Variants in RICTOR observed in about 807,000 individuals in gnomAD.
RICTOR encodes rapamycin-insensitive companion of mTOR.
RICTOR carries 49 observed loss-of-function variants against 214.9 expected under a neutral mutation model. That is an observed-to-expected ratio of 0.23 (90% confidence interval 0.18 to 0.29). The LOEUF (loss-of-function observed/expected upper bound fraction) is 0.29, where lower values mean the gene tolerates loss of function less well. Among genes scored for constraint, RICTOR ranks in the 10% least tolerant of loss-of-function variants. The pLI is 1.00. For synonymous variants in RICTOR, 717 were observed against 711.3 expected, an observed-to-expected ratio of 1.01 and a Z score of -0.13; for missense variants, 1,625 against 2,047.0, an observed-to-expected ratio of 0.79 and a Z score of 3.98.
At chr5:38,984,032 A>G (rs972131142) in intron 7 of RICTOR, among the ~76,000 whole-genome samples, 3 of 125,594 alleles carry the variant, frequency 2.4e-5, no homozygotes, top group Non-Finnish European at 3.3e-5. Context: ...ATCAGATAAC[A>G]CTACGTAAGA....
Position 38,981,879 on chromosome 5 carries a change from A to C in RICTOR, c.741T>G (p.Asp247Glu), listed in dbSNP as rs531979465. 8.7e-6 allele frequency: 14 copies of C among 1,607,976 alleles called. No individual in the cohort carries two copies. In the South Asian group the frequency reaches 1.6e-4, roughly 18 times the overall value. ...TTAAAGTTCCTACCTCTAATTCTAC[A>C]TCAGCTCGCACATACTGTCGAGTCT... ...HPKTRQYVRA[D>E]VELERILAPY... is the part of the protein sequence containing the mutation. The change falls in exon 8 of 38, where the codon GAT (aspartate) becomes GAG (glutamate). Residue 247 changes from aspartate to glutamate, a missense_variant. Asp to Glu is a conservative substitution (Grantham distance 45). Transcript: ENST00000357387.
intron 2 of RICTOR, among the ~76,000 whole-genome samples, chr5:39,061,851 AAAT>A (rs1758563933): frequency 6.6e-6 from 1 of 151,972 alleles, no homozygotes; most frequent in Non-Finnish European, 1.5e-5. Context: ...CTGCTAGGTA[AAAT>A]AATAACATAT....
intron 7 of RICTOR, among the ~76,000 whole-genome samples, chr5:38,990,703 A>ATATATATAT: frequency 1.0e-5 from 1 of 98,320 alleles, no homozygotes; most frequent in African/African-American, 4.1e-5. Flanking sequence ...GATATATATC[A>ATATATATAT]GATATGATAT....
intron 33 of RICTOR, 41 bp downstream of exon 33, chr5:38,946,427 T>C (rs2112820928): frequency 2.4e-6 from 3 of 1,238,640 alleles, no homozygotes; most frequent in Middle Eastern, 1.9e-4. Context: ...TTCTTTTTAA[T>C]ATAAAGAGGC....
Position 39,002,681 on chromosome 5 carries a change from A to C in RICTOR, c.261-15T>G. On this transcript the variant is annotated splice_polypyrimidine_tract_variant and intron_variant, in intron 4 of 37. Coordinates refer to ENST00000357387, the MANE Select transcript of RICTOR (RefSeq NM_152756.5). ...CTAACCGCAAACTGTATGAAAACAA[A>C]CAAAATACAAGTTTTGCTGCACAGG... is the stretch of plus-strand genomic sequence containing the variant. The C allele has an allele frequency of 6.3e-7, 1 of 1,587,752 alleles. No homozygotes were observed. Among genetic ancestry groups the C allele is most frequent in the Non-Finnish European group, 8.5e-7 (1 of 1,171,194 alleles).
At chr5:39,023,338 A>T (rs1477975534) in intron 2 of RICTOR, among the ~76,000 whole-genome samples, 1 of 152,180 alleles carries the variant, frequency 6.6e-6, no homozygotes, top group South Asian at 2.1e-4. Context: ...GAAAAAAAAG[A>T]AGTTACATAG....
intron 2 of RICTOR, among the ~76,000 whole-genome samples, chr5:39,052,730 T>A (rs186061349): frequency 6.6e-6 from 1 of 152,206 alleles, no homozygotes; most frequent in Non-Finnish European, 1.5e-5. Context: ...TCAAAGTACA[T>A]TGACAATGGA....
intron 10 of RICTOR, among the ~76,000 whole-genome samples, chr5:38,972,823 T>C (rs972807457): frequency 1.3e-5 from 2 of 150,410 alleles, no homozygotes; most frequent in African/African-American, 4.9e-5. Context: ...AAAGAAGCTT[T>C]ATCTTTGATA....
Position 39,052,395 on chromosome 5 carries a change from G to A in RICTOR, c.97+21716C>T, listed in dbSNP as rs148027774. ...CACTCTACAGTGTACCCAGTCATTA[G>A]CATTTTTTGGACATTGTTTTTGCAA... On this transcript the variant is annotated intron_variant, in intron 2 of 37. Transcript: ENST00000357387. Among the ~76,000 whole-genome samples, 339 of 152,220 alleles carry A rather than the reference G, an allele frequency of 2.2e-3. 1 individual carries two copies. The highest frequency in any genetic ancestry group is 7.7e-3 in the African/African-American group (320 of 41,528).
chr5:39,034,561 C>T (rs1438053710), intron 2 of RICTOR, among the ~76,000 whole-genome samples: 1 of 152,238 alleles, frequency 6.6e-6, no homozygotes, highest in African/African-American at 2.4e-5. Flanking sequence ...AATTCCCTTT[C>T]CTAGTCAAAG....
At chr5:38,964,746 T>C (rs1373504809) in intron 16 of RICTOR, 46 bp downstream of exon 16, 1 of 940,494 alleles carries the variant, frequency 1.1e-6, no homozygotes. Flanking sequence ...TCTAATTTGA[T>C]ATTAAATATA....
At chr5:39,038,744 A>G (rs1204138475) in intron 2 of RICTOR, among the ~76,000 whole-genome samples, 90 of 141,700 alleles carry the variant, frequency 6.4e-4, no homozygotes, top group South Asian at 1.6e-3. Context: ...AAATACCTAG[A>G]AATCCAACTT....
Position 39,062,816 on chromosome 5 carries a change from A to G in RICTOR, c.97+11295T>C, listed in dbSNP as rs1237249202. 2.0e-5 allele frequency among the ~76,000 whole-genome samples: 3 copies of G among 152,158 alleles called. No individual in the cohort carries two copies. In the East Asian group the frequency reaches 5.8e-4, roughly 29 times the overall value. ...CCCTGAAGTCTTGTTTTGCTGCTAT[A>G]ATAGAGCAATAATTTCCTCAAACAC... On this transcript the variant is annotated intron_variant, in intron 2 of 37. Transcript: ENST00000357387.
At chr5:39,034,966 AGTG>A (rs1756559396) in intron 2 of RICTOR, among the ~76,000 whole-genome samples, 1 of 152,242 alleles carries the variant, frequency 6.6e-6, no homozygotes. Flanking sequence ...TGAAGAGAGC[AGTG>A]GTTCTCCCAG....
rs542315328 is a variant in RICTOR at position 39,062,830 on chromosome 5, T to G, written c.97+11281A>C. 1.8e-4 allele frequency among the ~76,000 whole-genome samples: 28 copies of G among 152,256 alleles called. No homozygotes were observed. The Middle Eastern group carries it at 0.01, about 55-fold the overall frequency. On this transcript the variant is annotated intron_variant, in intron 2 of 37. Transcript: ENST00000357387. Reference sequence around the variant, plus strand: ...TTTGCTGCTATAATAGAGCAATAATTTCCTCAAACACTATTTATCCTGTAC... The same window carrying G: ...TTTGCTGCTATAATAGAGCAATAATGTCCTCAAACACTATTTATCCTGTAC...
intron 2 of RICTOR, among the ~76,000 whole-genome samples, chr5:39,057,782 T>C (rs1474863636): frequency 6.6e-6 from 1 of 152,080 alleles, no homozygotes; most frequent in East Asian, 1.9e-4. Context: ...AGTGTTCCCA[T>C]CTTCAGGAAA....
intron 31 of RICTOR, 38 bp downstream of exon 31, chr5:38,949,674 A>T (rs1561443349): frequency 6.5e-7 from 1 of 1,540,730 alleles, no homozygotes; most frequent in Non-Finnish European, 8.9e-7. Context: ...GTTAAAATGC[A>T]ACCATTATTG....
chr5:39,011,115 G>T (rs1479732357), intron 3 of RICTOR, among the ~76,000 whole-genome samples: 2 of 152,136 alleles, frequency 1.3e-5, no homozygotes, highest in Admixed American at 1.3e-4. Flanking sequence ...TGGTTTCCTG[G>T]TCAGGGCCCA....
intron 2 of RICTOR, among the ~76,000 whole-genome samples, chr5:39,035,270 T>A (rs1174848508): frequency 6.6e-6 from 1 of 152,094 alleles, no homozygotes; most frequent in Non-Finnish European, 1.5e-5. Context: ...TCCTGACTGT[T>A]AGAAGGAAAA....
Sources: gnomAD v4.1 joint callset for allele counts (sites outside exome capture counted in the v4.1 genomes callset) on GRCh38, gnomAD v4.1.1 for gene constraint, MANE v1.5 for transcripts, NCBI Gene and HGNC (gene_info 2026-07-23, HGNC 2026-07-21) for gene names.